CFAP97: variants seen among roughly 807,000 people sequenced by gnomAD.
CFAP97 encodes cilia and flagella associated protein 97, also known as cilia- and flagella-associated protein 97.
In CFAP97, 36 loss-of-function variants were observed where a neutral mutation model predicts 43.1. That is an observed-to-expected ratio of 0.84 (90% confidence interval 0.64 to 1.10). CFAP97 has a LOEUF of 1.10. CFAP97 is among the 50% of genes least tolerant of loss of function. The pLI is 0.00. For synonymous variants in CFAP97, 228 were observed against 225.7 expected (o/e 1.01, Z -0.09); for missense variants, 657 against 620.3 (o/e 1.06, Z -0.63).
chr4:185,186,608 T>C (rs1270657423), intron 2 of CFAP97, among the ~76,000 whole-genome samples: 1 of 152,218 alleles, frequency 6.6e-6, no homozygotes, highest in African/African-American at 2.4e-5. Flanking sequence ...CAGAAGCTGA[T>C]TTGAGAATCC....
Position 185,162,874 on chromosome 4 carries a change from C to A in CFAP97, c.1523G>T (p.Arg508Leu). 6.2e-7 allele frequency: 1 copy of A among 1,611,468 alleles called. No individual in the cohort carries two copies. Residue 508 changes from arginine to leucine, a missense_variant, in exon 5 of 5, where the codon CGA becomes CTA. Coordinates refer to ENST00000458385, the MANE Select transcript of CFAP97 (RefSeq NM_020827.3). ...GCCACTGGAGGGGTCAACCGCTGAT[C>A]GCTCACTCCTACAACTGAGACCACT... is the stretch of plus-strand genomic sequence containing the variant. The part of the protein sequence containing the change: ...ATSGLSCRSE[R>L]SAVDPSSGHP...
rs1002420560 is a variant in CFAP97, at chr4:185,190,883, T to A, written c.314A>T (p.Asp105Val). Residue 105 changes from aspartate (D) to valine (V), a missense_variant, in exon 2 of 5, where the codon GAT becomes GTT. Transcript: ENST00000458385. Reference protein sequence around the residue: ...PASSRSKKLCDVTTGLKIHVS... With the variant: ...PASSRSKKLCVVTTGLKIHVS... ...GTGTATTTTAAGTCCTGTTGTAACATCACACAATTTTTTTGATCTTGAAGA... is the reference window on the plus strand; with the variant it reads ...GTGTATTTTAAGTCCTGTTGTAACAACACACAATTTTTTTGATCTTGAAGA... 6.2e-7 allele frequency: 1 copy of A among 1,612,958 alleles called. No homozygotes were observed. Among genetic ancestry groups the A allele is most frequent in the Non-Finnish European group, 8.5e-7 (1 of 1,179,454 alleles).
chr4:185,160,748 T>C lies in CFAP97; in HGVS notation c.*2050A>G, dbSNP rs927168068. ...TGTTATTTATAAAACTATTGTGTTG[T>C]ATCCTGACATGTGGCAACAAAGATA... On this transcript the variant is annotated 3_prime_UTR_variant, in exon 5 of 5. Transcript: ENST00000458385. The C allele has an allele frequency of 3.3e-5, 5 of 151,400 alleles. No homozygotes were observed. The highest frequency in any genetic ancestry group is 7.4e-5 in the Non-Finnish European group (5 of 67,840). The allele number at this position is 151,400 out of a possible 1,614,324, so 9.4% of individuals were successfully genotyped here.
At chr4:185,190,056 C>T in intron 2 of CFAP97, 87 bp downstream of exon 2, 1 of 1,031,432 alleles carries the variant, frequency 9.7e-7, no homozygotes, top group Non-Finnish European at 1.4e-6. Flanking sequence ...AAAATATCTA[C>T]TAGATCAATG....
intron 1 of CFAP97, among the ~76,000 whole-genome samples, chr4:185,191,915 T>A: frequency 6.6e-6 from 1 of 151,302 alleles, no homozygotes; most frequent in Middle Eastern, 3.4e-3. Flanking sequence ...AGGATAGAGT[T>A]AAAAAAAAAC....
At chr4:185,164,876 C>T (rs1735008169) in intron 3 of CFAP97, among the ~76,000 whole-genome samples, 1 of 152,224 alleles carries the variant, frequency 6.6e-6, no homozygotes, top group African/African-American at 2.4e-5. Flanking sequence ...TGAGCACACA[C>T]ATATGGAAGC....
rs1174987158 is a variant in CFAP97, at chr4:185,190,165, C to T, written c.1032G>A (p.Met344Ile). Residue 344 changes from methionine (M) to isoleucine (I), a missense_variant, in exon 2 of 5, where the codon ATG (methionine) becomes ATA (isoleucine). Coordinates refer to ENST00000458385, the MANE Select transcript of CFAP97 (RefSeq NM_020827.3). Reference sequence around the variant, plus strand: ...TACCTTTCAAGAGATGATTCAGATCCATTGTGTCATGTAAGACTTTCTGTT... The same window carrying T: ...TACCTTTCAAGAGATGATTCAGATCTATTGTGTCATGTAAGACTTTCTGTT... ...RHKQKVLHDT[M>I]DLNHLLKAFL... is the part of the protein sequence containing the mutation. The T allele has an allele frequency of 1.9e-6, 3 of 1,574,920 alleles. No individual in the cohort carries two copies. The highest frequency in any genetic ancestry group is 2.2e-5 in the East Asian group (1 of 44,498).
chr4:185,183,753 T>C (rs761155807), intron 2 of CFAP97, among the ~76,000 whole-genome samples: 13 of 152,344 alleles, frequency 8.5e-5, no homozygotes, highest in Admixed American at 6.5e-4. Context: ...TGGACTCCAA[T>C]AACAGATGTA....
intron 1 of CFAP97, among the ~76,000 whole-genome samples, chr4:185,199,417 C>T (rs3108268): frequency 0.45 from 68,869 of 151,656 alleles, 16,260 homozygotes; most frequent in East Asian, 0.57. Flanking sequence ...ACCTATAATC[C>T]AAGCACTTTC....
chr4:185,187,605 C>T (rs185481048), intron 2 of CFAP97, among the ~76,000 whole-genome samples: 192 of 152,034 alleles, frequency 1.3e-3, no homozygotes, highest in Non-Finnish European at 2.2e-3. Flanking sequence ...GCCTCACCAA[C>T]GGGAAAAAAC....
chr4:185,164,273 C>T (rs199776841), intron 3 of CFAP97, 94 bp from the exon 4 acceptor site: 12 of 993,566 alleles, frequency 1.2e-5, no homozygotes, highest in African/African-American at 3.6e-5. Context: ...CACTTTCTTT[C>T]TTTTTTTTTT....
chr4:185,185,046 A>G (rs572387772), intron 2 of CFAP97, among the ~76,000 whole-genome samples: 1 of 152,358 alleles, frequency 6.6e-6, no homozygotes, highest in Middle Eastern at 3.4e-3. Context: ...CACTAGACAT[A>G]TTGAACATTT....
chr4:185,183,253 G>T (rs774480996), intron 2 of CFAP97, among the ~76,000 whole-genome samples: 4 of 152,092 alleles, frequency 2.6e-5, no homozygotes, highest in Non-Finnish European at 5.9e-5. Flanking sequence ...CTGGTTTACC[G>T]AACCTCTGTA....
chr4:185,191,929 T>C (rs931572027), intron 1 of CFAP97, among the ~76,000 whole-genome samples: 2 of 152,096 alleles, frequency 1.3e-5, no homozygotes, highest in Non-Finnish European at 2.9e-5. Flanking sequence ...AAAAAACTCA[T>C]AGTCACTTCC....
At chr4:185,195,261 G>A (rs1447181974) in intron 1 of CFAP97, among the ~76,000 whole-genome samples, 2 of 152,126 alleles carry the variant, frequency 1.3e-5, no homozygotes, top group East Asian at 3.8e-4. Flanking sequence ...GGCCAAGGTG[G>A]GAGGACTGCT....
At chr4:185,186,068 A>G (rs1412100219) in intron 2 of CFAP97, among the ~76,000 whole-genome samples, 1 of 152,222 alleles carries the variant, frequency 6.6e-6, no homozygotes, top group Non-Finnish European at 1.5e-5. Flanking sequence ...AACATAACAG[A>G]CTTGAAATTC....
chr4:185,191,072 T>G lies in CFAP97; in HGVS notation c.125A>C (p.Glu42Ala). 2 of 1,613,334 alleles carry G rather than the reference T, an allele frequency of 1.2e-6. No individual in the cohort carries two copies. Among genetic ancestry groups the G allele is most frequent in the Non-Finnish European group, 1.7e-6 (2 of 1,179,752 alleles). Residue 42 changes from glutamate to alanine, a missense_variant, in exon 2 of 5, where the codon GAA becomes GCA. Transcript: ENST00000458385. ...VFDKQNDDPK[E>A]RIDKDTKNVN... The stretch of plus-strand genomic sequence containing the variant: ...ATTTTTTGTATCTTTATCTATTCTT[T>G]CCTTTGGGTCATCATTTTGCTTGTC...
upstream of CFAP97, among the ~76,000 whole-genome samples, chr4:185,207,437 C>A (rs1315675709): frequency 6.6e-6 from 1 of 152,014 alleles, no homozygotes; most frequent in African/African-American, 2.4e-5. Context: ...AGGCTGGTCT[C>A]AAACTCCTGA....
intron 2 of CFAP97, among the ~76,000 whole-genome samples, chr4:185,187,487 A>G (rs1736051171): frequency 6.6e-6 from 1 of 151,728 alleles, no homozygotes; most frequent in Non-Finnish European, 1.5e-5. Flanking sequence ...TGGGGAGTGT[A>G]AAGCTCCCAA....
Sources: gnomAD v4.1 joint callset for allele counts (sites outside exome capture counted in the v4.1 genomes callset) on GRCh38, gnomAD v4.1.1 for gene constraint, MANE v1.5 for transcripts, NCBI Gene and HGNC (gene_info 2026-07-23, HGNC 2026-07-21) for gene names.